Variants in HIP1 observed in about 807,000 individuals in gnomAD.
HIP1 encodes the protein huntingtin interacting protein 1.
HIP1 carries 65 observed loss-of-function variants against 147.6 expected under a neutral mutation model. The observed-to-expected ratio is 0.44, with a 90% CI of 0.36 to 0.54. HIP1 has a LOEUF of 0.54. Ranked by LOEUF, HIP1 falls within the 20% of genes least tolerant of loss-of-function variation. The pLI, the probability that HIP1 is intolerant of heterozygous loss-of-function variation, is 0.00. For synonymous variants in HIP1, 479 were observed against 504.0 expected (o/e 0.95, Z 0.67); for missense variants, 1,061 against 1,299.6 (o/e 0.82, Z 2.82).
rs782108312 is a variant in HIP1 at position 75,650,453 on chromosome 7, C to CTTTTTTTTTTTTTTT, written c.121-51221_121-51207dup. Among the ~76,000 whole-genome samples, 58 of 126,506 alleles carry CTTTTTTTTTTTTTTT rather than the reference C, an allele frequency of 4.6e-4. 1 individual carries two copies. The highest frequency in any genetic ancestry group is 1.5e-3 in the African/African-American group (50 of 32,486). 83.0% of individuals were successfully genotyped at this position (126,506 alleles called of 152,430 possible). Reference sequence around the variant, plus strand: ...CAGGGATGTGTCTCTGCCCAGTTATCTTTTTTTTTTTTTTTTTGAGACAGA... The same window carrying CTTTTTTTTTTTTTTT: ...CAGGGATGTGTCTCTGCCCAGTTATCTTTTTTTTTTTTTTTTTTTTTTTTTTTTTTTTGAGACAGA... On this transcript the variant is annotated intron_variant, in intron 1 of 30. Transcript: ENST00000336926.
chr7:75,704,754 G>A (rs1800939927), intron 1 of HIP1, among the ~76,000 whole-genome samples: 1 of 150,706 alleles, frequency 6.6e-6, no homozygotes, highest in Non-Finnish European at 1.5e-5. Context: ...TTGTATTTCT[G>A]TAGAGATGGG....
At chr7:75,542,187 G>A (rs1554490031) in intron 28 of HIP1, among the ~76,000 whole-genome samples, 1 of 152,082 alleles carries the variant, frequency 6.6e-6, no homozygotes, top group Admixed American at 6.6e-5. Flanking sequence ...CATGAGGTCA[G>A]GAGTTTGAGA....
At chr7:75,562,913 T>G (rs1554494835) in intron 11 of HIP1, 22 bp downstream of exon 11, 1 of 1,613,510 alleles carries the variant, frequency 6.2e-7, no homozygotes, top group Non-Finnish European at 8.5e-7. Context: ...AAGGCCAAGT[T>G]TCTCTCCCAA....
chr7:75,591,351 T>A (rs1204040003), intron 4 of HIP1, among the ~76,000 whole-genome samples: 1 of 152,004 alleles, frequency 6.6e-6, no homozygotes, highest in East Asian at 1.9e-4. Context: ...TTCTTCAAAA[T>A]GCAGATTACC....
intron 1 of HIP1, among the ~76,000 whole-genome samples, chr7:75,635,094 G>T (rs1325776447): frequency 6.6e-6 from 1 of 152,086 alleles, no homozygotes; most frequent in African/African-American, 2.4e-5. Context: ...TGTACTCTGT[G>T]TGTTTAGTGA....
Position 75,537,039 on chromosome 7 carries a change from T to G in HIP1, c.*1133A>C, listed in dbSNP as rs1359845179. On this transcript the variant is annotated 3_prime_UTR_variant, in exon 31 of 31. Coordinates refer to ENST00000336926, the MANE Select transcript of HIP1 (RefSeq NM_005338.7). ...CAAGGCAGACGTCTGCAGAAAGGAG[T>G]TGGGAATCACTCCCACACTCCGTCT... The G allele has an allele frequency of 4.3e-6, 1 of 231,884 alleles. No individual in the cohort carries two copies. The highest frequency in any genetic ancestry group is 2.2e-5 in the African/African-American group (1 of 45,132). The allele number at this position is 231,884 out of a possible 1,614,324, so 14.4% of individuals were successfully genotyped here.
intron 13 of HIP1, among the ~76,000 whole-genome samples, chr7:75,560,491 AT>A (rs1795189365): frequency 6.6e-6 from 1 of 152,020 alleles, no homozygotes; most frequent in South Asian, 2.1e-4. Context: ...GGCTCAAGTG[AT>A]CCTTCTGCCT....
At chr7:75,681,261 C>G (rs1488524304) in intron 1 of HIP1, among the ~76,000 whole-genome samples, 1 of 152,084 alleles carries the variant, frequency 6.6e-6, no homozygotes, top group Non-Finnish European at 1.5e-5. Flanking sequence ...TGCATCTGCC[C>G]CTAATCCCCT....
intron 19 of HIP1, among the ~76,000 whole-genome samples, 154 bp from the exon 20 acceptor site, chr7:75,554,680 G>GT (rs1794923402): frequency 6.6e-6 from 1 of 152,156 alleles, no homozygotes; most frequent in Non-Finnish European, 1.5e-5. Flanking sequence ...TCAGACCATA[G>GT]TTTTTTCCTT....
At chr7:75,570,863 A>G (rs587603217) in intron 8 of HIP1, among the ~76,000 whole-genome samples, 2 of 151,986 alleles carry the variant, frequency 1.3e-5, no homozygotes, top group East Asian at 2.0e-4. Context: ...TACAAAAATT[A>G]GCCAGGCATG....
chr7:75,583,542 C>T (rs370767360), intron 5 of HIP1, among the ~76,000 whole-genome samples: 2 of 152,038 alleles, frequency 1.3e-5, no homozygotes, highest in Admixed American at 6.6e-5. Context: ...ATCCTGATTA[C>T]GTTGCTTACA....
At chr7:75,602,313 T>A in intron 1 of HIP1, among the ~76,000 whole-genome samples, 1 of 98,838 alleles carries the variant, frequency 1.0e-5, no homozygotes, top group East Asian at 2.2e-4. Context: ...CTTTTTTTTT[T>A]TTTTTTTTTT....
intron 1 of HIP1, among the ~76,000 whole-genome samples, chr7:75,673,447 T>C (rs1467161948): frequency 6.6e-6 from 1 of 152,168 alleles, no homozygotes; most frequent in African/African-American, 2.4e-5. Flanking sequence ...TTGCATTGAA[T>C]CTATAGATTG....
chr7:75,566,540 C>T (rs961788380), intron 9 of HIP1, among the ~76,000 whole-genome samples: 3 of 151,438 alleles, frequency 2.0e-5, no homozygotes, highest in Admixed American at 1.3e-4. Context: ...TGGAAAGGGG[C>T]GCTAACTTCC....
chr7:75,565,735 T>TC (rs1554495382), intron 9 of HIP1, among the ~76,000 whole-genome samples: 1 of 133,204 alleles, frequency 7.5e-6, no homozygotes, highest in Non-Finnish European at 1.7e-5. Context: ...TCCCCTCCTT[T>TC]CCTTTTTTTT....
intron 1 of HIP1, among the ~76,000 whole-genome samples, chr7:75,640,327 C>T (rs1798609012): frequency 6.6e-6 from 1 of 152,232 alleles, no homozygotes; most frequent in Non-Finnish European, 1.5e-5. Flanking sequence ...ACACACCCGG[C>T]AGGGACTGGG....
chr7:75,535,639 C>T lies in HIP1; in HGVS notation c.*2533G>A, dbSNP rs1285219257. The T allele has an allele frequency of 5.5e-6, 1 of 183,104 alleles. No homozygotes were observed. Among genetic ancestry groups the T allele is most frequent in the African/African-American group, 2.4e-5 (1 of 42,496 alleles). The allele number at this position is 183,104 out of a possible 1,614,324, so 11.3% of individuals were successfully genotyped here. On this transcript the variant is annotated 3_prime_UTR_variant, in exon 31 of 31. Coordinates refer to ENST00000336926, the MANE Select transcript of HIP1 (RefSeq NM_005338.7). ...CCTCCCAAAGTTCTGGGATTACAGG[C>T]ATGCGCCACTGTGCCCGGCTGGGCA...
intron 1 of HIP1, among the ~76,000 whole-genome samples, chr7:75,697,767 G>A (rs1446976525): frequency 6.6e-6 from 1 of 152,180 alleles, no homozygotes; most frequent in Non-Finnish European, 1.5e-5. Context: ...AACCAAGACT[G>A]TGCCACTACA....
intron 1 of HIP1, among the ~76,000 whole-genome samples, chr7:75,623,384 G>A (rs1797923007): frequency 6.6e-6 from 1 of 152,134 alleles, no homozygotes; most frequent in African/African-American, 2.4e-5. Flanking sequence ...TTTCCAGTGG[G>A]AGACATAATA....
Sources: allele counts gnomAD v4.1 joint callset (sites outside exome capture counted in the v4.1 genomes callset), GRCh38; gene constraint gnomAD v4.1.1; transcripts MANE v1.5; gene names NCBI Gene and HGNC (gene_info 2026-07-23, HGNC 2026-07-21).